The following MYO3B variants were observed in gnomAD, a reference collection of about 807,000 sequenced individuals.
MYO3B encodes myosin IIIB, also known as myosin-IIIb.
Under a neutral mutation model 174.6 loss-of-function variants are expected in MYO3B, and 156 were observed. The ratio of observed to expected loss-of-function variants is 0.89; its 90% CI spans 0.78 to 1.02. MYO3B has a LOEUF of 1.02. MYO3B is among the 50% of genes least tolerant of loss of function. The pLI is 0.00. For synonymous variants in MYO3B, 563 were observed against 569.1 expected (o/e 0.99, Z 0.15); for missense variants, 1,632 against 1,639.4 (o/e 1.00, Z 0.08).
At chr2:170,449,046 G>T (rs138029183) in intron 23 of MYO3B, among the ~76,000 whole-genome samples, 3 of 152,294 alleles carry the variant, frequency 2.0e-5, no homozygotes, top group African/African-American at 7.2e-5. Flanking sequence ...ATTTATGTAT[G>T]CCTGCAAACA....
intron 32 of MYO3B, among the ~76,000 whole-genome samples, chr2:170,630,458 AC>A (rs1322257436): frequency 6.6e-6 from 1 of 152,158 alleles, no homozygotes; most frequent in Non-Finnish European, 1.5e-5. Context: ...TGTAGACTCC[AC>A]CTCTGGAGGC....
chr2:170,327,498 A>G (rs2093877730), intron 7 of MYO3B, among the ~76,000 whole-genome samples: 1 of 152,152 alleles, frequency 6.6e-6, no homozygotes, highest in African/African-American at 2.4e-5. Context: ...GTTATTAATC[A>G]TAGAAGCTTC....
chr2:170,513,986 T>G (rs1278610564), intron 28 of MYO3B, among the ~76,000 whole-genome samples: 1 of 152,156 alleles, frequency 6.6e-6, no homozygotes, highest in East Asian at 1.9e-4. Context: ...AAATAGAAAT[T>G]GCCAAAGCCA....
At chr2:170,211,203 G>A (rs2092766411) in intron 3 of MYO3B, among the ~76,000 whole-genome samples, 1 of 152,196 alleles carries the variant, frequency 6.6e-6, no homozygotes, top group Non-Finnish European at 1.5e-5. Context: ...GGCCTGCCAT[G>A]CATGCACTGA....
chr2:170,579,495 A>G (rs1191752118), intron 32 of MYO3B, among the ~76,000 whole-genome samples: 3 of 152,138 alleles, frequency 2.0e-5, no homozygotes, highest in Non-Finnish European at 4.4e-5. Context: ...TCTTATCTCC[A>G]TAGTAATTGC....
chr2:170,313,670 C>A (rs867803474), intron 7 of MYO3B, among the ~76,000 whole-genome samples: 1 of 152,164 alleles, frequency 6.6e-6, no homozygotes, highest in Non-Finnish European at 1.5e-5. Context: ...ATCCTGAATT[C>A]ATTTAGTATT....
At chr2:170,418,810 TA>T (rs5836277) in intron 22 of MYO3B, among the ~76,000 whole-genome samples, 34,149 of 145,984 alleles carry the variant, frequency 0.23, 4,546 homozygotes, top group Non-Finnish European at 0.31. Flanking sequence ...GCAATTACTT[TA>T]AAAAAAAAAA....
chr2:170,183,890 T>TAAAAC (rs3066881), intron 1 of MYO3B, among the ~76,000 whole-genome samples: 64,870 of 151,836 alleles, frequency 0.43, 15,095 homozygotes, highest in East Asian at 0.56. Context: ...TTCTAAAAAT[T>TAAAAC]AGATATTAAA....
intron 32 of MYO3B, among the ~76,000 whole-genome samples, chr2:170,551,777 T>C (rs1690939928): frequency 6.6e-6 from 1 of 152,184 alleles, no homozygotes; most frequent in Non-Finnish European, 1.5e-5. Context: ...AATCTCATGT[T>C]GAATTGTAAT....
At chr2:170,473,901 G>A (rs562046098) in intron 25 of MYO3B, among the ~76,000 whole-genome samples, 10 of 152,096 alleles carry the variant, frequency 6.6e-5, no homozygotes, top group African/African-American at 2.2e-4. Flanking sequence ...CACAGCCTAC[G>A]TACATTTTAT....
chr2:170,489,588 C>T (rs1457038369), intron 25 of MYO3B, among the ~76,000 whole-genome samples: 1 of 151,228 alleles, frequency 6.6e-6, no homozygotes, highest in African/African-American at 2.4e-5. Flanking sequence ...CACAGTTTAC[C>T]TACATGAGAG....
At chr2:170,631,422 G>C (rs145543365) in intron 32 of MYO3B, among the ~76,000 whole-genome samples, 1 of 151,644 alleles carries the variant, frequency 6.6e-6, no homozygotes, top group South Asian at 2.1e-4. Context: ...ATCTACATCT[G>C]ATTGGTGTAC....
intron 1 of MYO3B, among the ~76,000 whole-genome samples, chr2:170,194,118 G>C (rs762976024): frequency 3.3e-5 from 5 of 152,156 alleles, no homozygotes; most frequent in Non-Finnish European, 7.4e-5. Flanking sequence ...GACTCAAGCT[G>C]TTGCATGTCT....
intron 22 of MYO3B, among the ~76,000 whole-genome samples, chr2:170,441,598 A>T (rs1266230140): frequency 6.6e-6 from 1 of 152,210 alleles, no homozygotes; most frequent in Non-Finnish European, 1.5e-5. Context: ...TTTCTTGATT[A>T]TATGCTTAAT....
At chr2:170,290,929 T>G (rs2093591501) in intron 7 of MYO3B, among the ~76,000 whole-genome samples, 1 of 151,876 alleles carries the variant, frequency 6.6e-6, no homozygotes, top group Admixed American at 6.6e-5. Flanking sequence ...AGAAAAGTTA[T>G]TTTGGATCAC....
At chr2:170,230,947 C>T (rs941263523) in intron 6 of MYO3B, among the ~76,000 whole-genome samples, 1 of 152,140 alleles carries the variant, frequency 6.6e-6, no homozygotes, top group African/African-American at 2.4e-5. Flanking sequence ...AACAAAAATG[C>T]CAGGCTCTGG....
chr2:170,285,403 C>G (rs547132169), intron 7 of MYO3B, among the ~76,000 whole-genome samples: 204 of 149,868 alleles, frequency 1.4e-3, no homozygotes, highest in Non-Finnish European at 2.2e-3. Flanking sequence ...GAGTCTTGCT[C>G]TGTTGCCCAG....
At chr2:170,532,049 C>T (rs554891342) in intron 30 of MYO3B, among the ~76,000 whole-genome samples, 1 of 152,298 alleles carries the variant, frequency 6.6e-6, no homozygotes, top group East Asian at 1.9e-4. Context: ...CTGGCAGAAA[C>T]CACCTTAACC....
At chr2:170,445,347 T>TA (rs2094832926) in intron 23 of MYO3B, among the ~76,000 whole-genome samples, 1 of 151,966 alleles carries the variant, frequency 6.6e-6, no homozygotes, top group South Asian at 2.1e-4. Flanking sequence ...TACATTTTTT[T>TA]TTTTTATTTT....
Sources: gnomAD v4.1 joint callset for allele counts (sites outside exome capture counted in the v4.1 genomes callset) on GRCh38, gnomAD v4.1.1 for gene constraint, MANE v1.5 for transcripts, NCBI Gene and HGNC (gene_info 2026-07-23, HGNC 2026-07-21) for gene names.